Variants in ZSCAN25 observed in about 807,000 individuals in gnomAD.
The protein encoded by ZSCAN25 is zinc finger and SCAN domain containing 25.
In ZSCAN25, 27 loss-of-function variants were observed where a neutral mutation model predicts 38.7. That is an observed-to-expected ratio of 0.70 (90% confidence interval 0.51 to 0.96). ZSCAN25 has a LOEUF of 0.96. Among genes scored for constraint, ZSCAN25 ranks in the 40% least tolerant of loss-of-function variants. The pLI is 0.00. For missense variants in ZSCAN25, 637 were observed against 705.9 expected (o/e 0.90, Z 1.11); for synonymous variants, 273 against 277.7 (o/e 0.98, Z 0.17).
chr7:99,715,826 T>A, the ZSCAN25 span: 1 of 1,613,862 alleles, frequency 6.2e-7, no homozygotes, highest in South Asian at 1.1e-5. Flanking sequence ...CACAAAGGGG[T>A]CTTGTGGATT....
chr7:99,673,620 GT>G, the ZSCAN25 span, among the ~76,000 whole-genome samples: 1 of 152,194 alleles, frequency 6.6e-6, no homozygotes, highest in African/African-American at 2.4e-5. Context: ...TTCCCAATCT[GT>G]TTCTCTATTA....
At chr7:99,621,095 C>T (rs377199464) in intron 4 of ZSCAN25, 4 of 280,294 alleles carry the variant, frequency 1.4e-5, no homozygotes, top group East Asian at 6.0e-5. Context: ...TGTTAAAATC[C>T]TCAGCAGGAT....
the ZSCAN25 span, chr7:99,662,878 C>T: frequency 1.9e-5 from 31 of 1,613,570 alleles, no homozygotes; most frequent in Middle Eastern, 3.3e-4. This position sits in a 1 kb window ranked among gnomAD's most constrained non-coding sequence, Gnocchi z 4.3. Flanking sequence ...GAAATCTAGT[C>T]GGTGCTAGAA....
chr7:99,676,197 C>T, the ZSCAN25 span: 23 of 1,613,452 alleles, frequency 1.4e-5, no homozygotes, highest in South Asian at 5.5e-5. Context: ...TCCATGTGTA[C>T]GGGTCCCATA....
the ZSCAN25 span, among the ~76,000 whole-genome samples, chr7:99,641,050 A>G: frequency 1.3e-5 from 2 of 152,296 alleles, no homozygotes; most frequent in African/African-American, 4.8e-5. Context: ...TCTCTTCAGA[A>G]GGTGGTAGGA....
At chr7:99,646,909 ATCTG>A in the ZSCAN25 span, among the ~76,000 whole-genome samples, 3,785 of 151,718 alleles carry the variant, frequency 0.025, 154 homozygotes, top group African/African-American at 0.087. Flanking sequence ...TCTATCTATC[ATCTG>A]TCTATCTATC....
At chr7:99,704,199 A>G in the ZSCAN25 span, among the ~76,000 whole-genome samples, 3 of 152,192 alleles carry the variant, frequency 2.0e-5, no homozygotes, top group East Asian at 3.9e-4. Flanking sequence ...TCTCCCAGAA[A>G]TATCAGGGGA....
chr7:99,653,608 A>C, the ZSCAN25 span, among the ~76,000 whole-genome samples: 1 of 152,158 alleles, frequency 6.6e-6, no homozygotes, highest in East Asian at 1.9e-4. The surrounding 1 kb of genome is among the most constrained non-coding windows in gnomAD (Gnocchi z 4.2). Context: ...CCCCACACTC[A>C]GCCCCATCCC....
the ZSCAN25 span, among the ~76,000 whole-genome samples, chr7:99,701,856 C>CA: frequency 6.6e-6 from 1 of 152,162 alleles, no homozygotes; most frequent in Non-Finnish European, 1.5e-5. Flanking sequence ...AATCTGTTGT[C>CA]AGAGTGTTTG....
At position 99,622,392 on chromosome 7, in the gene ZSCAN25, G is replaced by T. The variant is rs534200288; in HGVS notation, c.590-157G>T. On this transcript the variant is annotated intron_variant, in intron 5 of 7. Coordinates refer to ENST00000394152, the MANE Select transcript of ZSCAN25 (RefSeq NM_145115.3). Reference sequence around the variant, plus strand: ...GGGCAAGGGACACCCAGGCCCCTGTGCATGGGAAAGTGTGGTACCAGAGTG... The same window carrying T: ...GGGCAAGGGACACCCAGGCCCCTGTTCATGGGAAAGTGTGGTACCAGAGTG... 7.6e-5 allele frequency: 56 copies of T among 734,160 alleles called. No homozygotes were observed. In the South Asian group the frequency reaches 7.9e-4, roughly 10 times the overall value. 45.5% of individuals were successfully genotyped at this position (734,160 alleles called of 1,614,324 possible).
At chr7:99,674,690 A>G in the ZSCAN25 span, 13 of 825,528 alleles carry the variant, frequency 1.6e-5, no homozygotes, top group East Asian at 1.3e-4. Flanking sequence ...CAGGCCTGCT[A>G]TCTTTCACTG....
chr7:99,727,876 A>C, the ZSCAN25 span, among the ~76,000 whole-genome samples: 1 of 152,196 alleles, frequency 6.6e-6, no homozygotes, highest in African/African-American at 2.4e-5. Context: ...TTTCTTCACT[A>C]TGCAAGTGTC....
chr7:99,635,131 C>A (rs1808219596), downstream of ZSCAN25, among the ~76,000 whole-genome samples: 1 of 150,212 alleles, frequency 6.7e-6, no homozygotes, highest in Non-Finnish European at 1.5e-5. Context: ...AGATAATTCT[C>A]TGTTGGCAGC....
chr7:99,672,634 G>A, the ZSCAN25 span: 174 of 1,614,058 alleles, frequency 1.1e-4, 1 homozygote, highest in South Asian at 9.7e-4. Flanking sequence ...TTCTGATCAC[G>A]TCGGGATCTG....
chr7:99,638,531 A>G, the ZSCAN25 span: 2 of 1,511,206 alleles, frequency 1.3e-6, no homozygotes, highest in Non-Finnish European at 1.8e-6. Context: ...CTTGGGTCCC[A>G]GTGTAGTTAT....
the ZSCAN25 span, among the ~76,000 whole-genome samples, chr7:99,718,317 A>C: frequency 6.6e-6 from 1 of 152,250 alleles, no homozygotes; most frequent in African/African-American, 2.4e-5. Flanking sequence ...TTTTGAAGAA[A>C]TAATGCGATT....
At chr7:99,692,729 A>G in the ZSCAN25 span, among the ~76,000 whole-genome samples, 5 of 152,080 alleles carry the variant, frequency 3.3e-5, no homozygotes, top group African/African-American at 7.2e-5. Flanking sequence ...TTCTTGTACC[A>G]TGGTTTTGAG....
chr7:99,647,146 C>T, the ZSCAN25 span, among the ~76,000 whole-genome samples: 1 of 152,224 alleles, frequency 6.6e-6, no homozygotes, highest in African/African-American at 2.4e-5. Flanking sequence ...CCTCACCTCA[C>T]GTGGGTTCTC....
the ZSCAN25 span, among the ~76,000 whole-genome samples, chr7:99,703,842 A>G: frequency 6.6e-6 from 1 of 151,292 alleles, no homozygotes; most frequent in Non-Finnish European, 1.5e-5. Flanking sequence ...CTCTCTATGA[A>G]CCCCTTCTCT....
Sources: allele counts gnomAD v4.1 joint callset (sites outside exome capture counted in the v4.1 genomes callset), GRCh38; gene constraint gnomAD v4.1.1; non-coding constraint Gnocchi (gnomAD v3.1); transcripts MANE v1.5; gene names NCBI Gene and HGNC (gene_info 2026-07-23, HGNC 2026-07-21).